Variants in WNT2 observed in about 807,000 individuals in gnomAD.
WNT2 encodes Wnt family member 2.
A neutral mutation model predicts 36.9 loss-of-function variants in WNT2; 12 were observed. That is an observed-to-expected ratio of 0.33 (90% CI 0.21 to 0.53). WNT2 has a LOEUF of 0.53. WNT2 is among the 20% of genes least tolerant of loss of function. WNT2 has a pLI of 0.95. For synonymous variants in WNT2, 163 were observed against 174.6 expected, an observed-to-expected ratio of 0.93 and a Z score of 0.52; for missense variants, 379 against 473.1, an observed-to-expected ratio of 0.80 and a Z score of 1.84.
Position 117,320,586 on chromosome 7 carries a change from A to G in WNT2, c.291T>C (p.Phe97=), listed in dbSNP as rs201972028. The G allele has an allele frequency of 2.5e-6, 4 of 1,613,628 alleles. No homozygotes were observed. The highest frequency in any genetic ancestry group is 2.7e-5 in the African/African-American group (2 of 75,066). The stretch of plus-strand genomic sequence containing the variant: ...ACTTACTTCGGAGTAGGACCCTGCC[A>G]AAAAGGCTGTGATCCCTGTCCAGGG... ...CNTLDRDHSL[F]GRVLLRSSRE... Residue 97 remains phenylalanine (F), a synonymous_variant, in exon 2 of 5, where the codon TTT becomes TTC. Transcript: ENST00000265441.
At chr7:117,317,496 G>A (rs897017454) in intron 2 of WNT2, among the ~76,000 whole-genome samples, 1 of 131,132 alleles carries the variant, frequency 7.6e-6, no homozygotes, top group Non-Finnish European at 1.6e-5. Context: ...CAGATGGTTT[G>A]GTACCATGTA....
chr7:117,322,979 G>C lies in WNT2; in HGVS notation c.11C>G (p.Pro4Arg). MNA[P>R]LGGIWLWLPL... ...GAGCCAGAGCCAGATTCCACCGAGA[G>C]GGGCGTTCATATTAACCCCCTTGCG... is the stretch of plus-strand genomic sequence containing the variant. Residue 4 changes from proline to arginine, a missense_variant, in exon 1 of 5, where the codon CCT becomes CGT. By Grantham distance (103) the Pro-to-Arg change is moderately radical. Coordinates refer to ENST00000265441, the MANE Select transcript of WNT2 (RefSeq NM_003391.3). The surrounding 1 kb of genome is among the most constrained non-coding windows in gnomAD (Gnocchi z 5.4). The C allele has an allele frequency of 6.2e-7, 1 of 1,612,702 alleles. No individual in the cohort carries two copies. The highest frequency in any genetic ancestry group is 1.1e-5 in the South Asian group (1 of 91,030).
chr7:117,282,437 A>G (rs1410643858), intron 4 of WNT2, among the ~76,000 whole-genome samples: 2 of 151,018 alleles, frequency 1.3e-5, no homozygotes, highest in East Asian at 2.0e-4. Context: ...GAGAAGAGGA[A>G]GAGGAGAAAG....
intron 3 of WNT2, among the ~76,000 whole-genome samples, chr7:117,299,664 A>T (rs1479363600): frequency 2.0e-5 from 3 of 151,606 alleles, no homozygotes; most frequent in South Asian, 2.1e-4. Flanking sequence ...AGCTAATTTT[A>T]AAAAATATTT....
At chr7:117,286,147 G>C (rs1233293915) in intron 4 of WNT2, among the ~76,000 whole-genome samples, 2 of 152,154 alleles carry the variant, frequency 1.3e-5, no homozygotes, top group East Asian at 1.9e-4. Context: ...CAAAGAATTG[G>C]AGTTTCTAAA....
chr7:117,291,268 C>T (rs1173658105), intron 4 of WNT2, among the ~76,000 whole-genome samples: 1 of 152,166 alleles, frequency 6.6e-6, no homozygotes, highest in Non-Finnish European at 1.5e-5. Context: ...GACTGAGCTC[C>T]GTTTGTTTTT....
chr7:117,284,619 C>G lies in WNT2; in HGVS notation c.854-6235G>C, dbSNP rs148563436. Among the ~76,000 whole-genome samples, 414 of 152,284 alleles carry G rather than the reference C, an allele frequency of 2.7e-3. 3 individuals are homozygous for G. The highest frequency in any genetic ancestry group is 9.3e-3 in the African/African-American group (386 of 41,568). ...TGAATGGAGTGAAAGTTCATTCATC[C>G]TTTCTCACTTTTTTTTCCCATTCCT... On this transcript the variant is annotated intron_variant, in intron 4 of 4. Transcript: ENST00000265441. The surrounding 1 kb of genome is among the most constrained non-coding windows in gnomAD (Gnocchi z 5.2).
chr7:117,303,227 C>T (rs1038534024), intron 3 of WNT2, among the ~76,000 whole-genome samples: 11 of 152,144 alleles, frequency 7.2e-5, no homozygotes, highest in African/African-American at 2.7e-4. Flanking sequence ...TGCACCGTGG[C>T]GGGAGTCTGG....
intron 3 of WNT2, among the ~76,000 whole-genome samples, chr7:117,308,314 A>T (rs772856922): frequency 2.0e-4 from 31 of 152,232 alleles, no homozygotes; most frequent in Non-Finnish European, 4.3e-4. Flanking sequence ...AGAAAATATA[A>T]GGTGTGGAAT....
chr7:117,315,263 T>A lies in WNT2; in HGVS notation c.396A>T (p.Val132=). The change falls in exon 3 of 5, where the codon GTA becomes GTT. Residue 132 remains valine, a synonymous_variant. Coordinates refer to ENST00000265441, the MANE Select transcript of WNT2 (RefSeq NM_003391.3). ...AITRACSQGE[V]KSCSCDPKKM... The stretch of plus-strand genomic sequence containing the variant: ...TCTTTGGATCACAGGAACAGGATTT[T>A]ACTTCTCCTTGGCTACAGGCCCTGG... 1 of 1,614,230 alleles carries A rather than the reference T, an allele frequency of 6.2e-7. No homozygotes were observed. The highest frequency in any genetic ancestry group is 1.1e-5 in the South Asian group (1 of 91,088).
In WNT2 at chr7:117,278,003, G is replaced by T; in HGVS notation, c.*152C>A. ...GTGCAGCGTGTGGCCCCCCCATCCT[G>T]GGGCCCCCAGGGAGGAAGAGGGGGC... On this transcript the variant is annotated 3_prime_UTR_variant, in exon 5 of 5. Transcript: ENST00000265441. 1 of 827,526 alleles carries T rather than the reference G, an allele frequency of 1.2e-6. No individual in the cohort carries two copies. 51.3% of individuals were successfully genotyped at this position (827,526 alleles called of 1,614,324 possible).
At chr7:117,300,577 A>G (rs991717076) in intron 3 of WNT2, among the ~76,000 whole-genome samples, 3 of 152,156 alleles carry the variant, frequency 2.0e-5, no homozygotes, top group Admixed American at 2.0e-4. Context: ...AGGCAAAAGG[A>G]TCACTTGATC....
At position 117,277,909 on chromosome 7, in the gene WNT2, A is replaced by C. The variant is rs1275722009; in HGVS notation, c.*246T>G. 3.8e-6 allele frequency: 2 copies of C among 532,250 alleles called. No individual in the cohort carries two copies. Among genetic ancestry groups the C allele is most frequent in the Non-Finnish European group, 6.7e-6 (2 of 296,870 alleles). The allele number at this position is 532,250 out of a possible 1,614,324, so 33.0% of individuals were successfully genotyped here. A position where few individuals can be genotyped will look rare whatever the true frequency, so the allele number is the denominator to read the frequency against. ...TGAACAGCCTGTCATGCTATTTCCA[A>C]AGAGAACTCGCCAGGAGGGGAGATG... On this transcript the variant is annotated 3_prime_UTR_variant, in exon 5 of 5. Transcript: ENST00000265441.
chr7:117,292,926 A>G (rs1275381594), intron 4 of WNT2, among the ~76,000 whole-genome samples: 2 of 152,172 alleles, frequency 1.3e-5, no homozygotes, highest in Non-Finnish European at 2.9e-5. Context: ...ATTAGGAATC[A>G]TACACTGCCT....
At position 117,297,593 on chromosome 7, in the gene WNT2, GA is replaced by G; in HGVS notation, c.853+18del. The G allele has an allele frequency of 6.3e-7, 1 of 1,597,354 alleles. No individual in the cohort carries two copies. Among genetic ancestry groups the G allele is most frequent in the South Asian group, 1.1e-5 (1 of 90,576 alleles). ...TGTTGAAAGAATTAGGTACTATAAA[GA>G]AAGTCTTTTGAACTTACCTGCCTCT... is the stretch of plus-strand genomic sequence containing the variant. On this transcript the variant is annotated intron_variant, in intron 4 of 4. Transcript: ENST00000265441.
chr7:117,315,155 G>A lies in WNT2; in HGVS notation c.504C>T (p.Ala168=). ...SDNIDYGIKF[A]RAFVDAKERK... ...TTTCCTTTGCATCCACAAATGCGCGGGCAAATTTGATCCCATAGTCAATGT... is the reference window on the plus strand; with the variant it reads ...TTTCCTTTGCATCCACAAATGCGCGAGCAAATTTGATCCCATAGTCAATGT... Residue 168 remains alanine, a synonymous_variant, in exon 3 of 5, where the codon GCC becomes GCT. Coordinates refer to ENST00000265441, the MANE Select transcript of WNT2 (RefSeq NM_003391.3). The A allele has an allele frequency of 6.2e-7, 1 of 1,614,108 alleles. No individual in the cohort carries two copies. Among genetic ancestry groups the A allele is most frequent in the Non-Finnish European group, 8.5e-7 (1 of 1,180,012 alleles).
At chr7:117,311,471 C>G (rs1173743221) in intron 3 of WNT2, among the ~76,000 whole-genome samples, 1 of 152,180 alleles carries the variant, frequency 6.6e-6, no homozygotes. Flanking sequence ...GTCTCTCCAT[C>G]CCTCTCAGGC....
intron 3 of WNT2, among the ~76,000 whole-genome samples, chr7:117,307,504 C>T (rs1157736986): frequency 2.0e-5 from 3 of 152,166 alleles, no homozygotes; most frequent in Admixed American, 6.5e-5. Flanking sequence ...GTTTGCCAGT[C>T]TCTGGGGCTC....
intron 4 of WNT2, among the ~76,000 whole-genome samples, chr7:117,286,348 A>G (rs1032099425): frequency 4.6e-5 from 7 of 152,114 alleles, no homozygotes; most frequent in Non-Finnish European, 1.0e-4. Flanking sequence ...TTTTGCTAAT[A>G]GTTCCCAGAC....
Sources: allele counts gnomAD v4.1 joint callset (sites outside exome capture counted in the v4.1 genomes callset), GRCh38; gene constraint gnomAD v4.1.1; non-coding constraint Gnocchi (gnomAD v3.1); transcripts MANE v1.5; gene names NCBI Gene and HGNC (gene_info 2026-07-23, HGNC 2026-07-21).